NRXN1: variants seen among roughly 807,000 people sequenced by gnomAD.
NRXN1 encodes the protein neurexin-1.
Under a neutral mutation model 150.9 loss-of-function variants are expected in NRXN1, and 39 were observed. That is an observed-to-expected ratio of 0.26 (90% CI 0.20 to 0.34). The LOEUF (loss-of-function observed/expected upper bound fraction) is 0.34, where lower values mean the gene tolerates loss of function less well. NRXN1 is among the 10% of genes least tolerant of loss of function. NRXN1 has a pLI of 1.00. For missense variants in NRXN1, 1,815 were observed against 1,949.9 expected (o/e 0.93, Z 1.30); for synonymous variants, 924 against 757.0 (o/e 1.22, Z -3.62).
intron 17 of NRXN1, among the ~76,000 whole-genome samples, chr2:50,406,550 G>A (rs1382258717): frequency 6.6e-6 from 1 of 152,062 alleles, no homozygotes; most frequent in Non-Finnish European, 1.5e-5. Flanking sequence ...CTGCAATCAG[G>A]AAGATACTTC....
At chr2:50,158,676 G>A (rs931063794) in intron 18 of NRXN1, among the ~76,000 whole-genome samples, 5 of 152,058 alleles carry the variant, frequency 3.3e-5, no homozygotes, top group African/African-American at 1.2e-4. Context: ...TTCAAATGCA[G>A]CTGTATCTTG....
chr2:50,421,074 T>C (rs1327626075), intron 17 of NRXN1, among the ~76,000 whole-genome samples: 1 of 151,306 alleles, frequency 6.6e-6, no homozygotes, highest in African/African-American at 2.4e-5. Context: ...TATCTTGCAA[T>C]GGACCCCTGT....
At chr2:50,424,076 C>A (rs1045695159) in intron 17 of NRXN1, among the ~76,000 whole-genome samples, 2 of 145,746 alleles carry the variant, frequency 1.4e-5, no homozygotes, top group African/African-American at 2.5e-5. Flanking sequence ...AGGTTCTGAG[C>A]AAGAGAGCAC....
chr2:50,443,513 C>T (rs371747478), intron 17 of NRXN1, among the ~76,000 whole-genome samples: 4 of 152,100 alleles, frequency 2.6e-5, no homozygotes. Context: ...TAAGTGATGT[C>T]ATGTTACCGA....
intron 2 of NRXN1, among the ~76,000 whole-genome samples, chr2:50,988,672 T>G (rs919475168): frequency 1.3e-5 from 2 of 151,906 alleles, no homozygotes; most frequent in Non-Finnish European, 2.9e-5. Context: ...ATAACTGAGA[T>G]AAAACAACCG....
intron 5 of NRXN1, among the ~76,000 whole-genome samples, chr2:50,625,409 C>T (rs1397252805): frequency 6.6e-6 from 1 of 152,074 alleles, no homozygotes; most frequent in African/African-American, 2.4e-5. Context: ...CCAAATAATT[C>T]TGAGTAAGTC....
intron 17 of NRXN1, among the ~76,000 whole-genome samples, chr2:50,300,727 G>C (rs1307306243): frequency 2.0e-5 from 3 of 152,082 alleles, no homozygotes; most frequent in African/African-American, 7.2e-5. Flanking sequence ...ACAGAGTCTT[G>C]CTCTGTCACC....
chr2:50,388,268 C>A (rs1343508701), intron 17 of NRXN1, among the ~76,000 whole-genome samples: 1 of 152,154 alleles, frequency 6.6e-6, no homozygotes, highest in Non-Finnish European at 1.5e-5. Context: ...TGCAGTGGCA[C>A]AGGGCTGATA....
intron 5 of NRXN1, among the ~76,000 whole-genome samples, chr2:50,691,313 C>T (rs978111544): frequency 2.6e-5 from 4 of 152,082 alleles, no homozygotes; most frequent in African/African-American, 9.7e-5. Flanking sequence ...ACTTGAAAAA[C>T]CGTTAAGTGG....
At chr2:50,169,934 C>G (rs1402987182) in intron 18 of NRXN1, among the ~76,000 whole-genome samples, 1 of 151,938 alleles carries the variant, frequency 6.6e-6, no homozygotes, top group Non-Finnish European at 1.5e-5. Context: ...AGGAGAAGAT[C>G]ATGGCAGTCT....
At chr2:50,175,668 T>C (rs2060309413) in intron 18 of NRXN1, among the ~76,000 whole-genome samples, 1 of 152,052 alleles carries the variant, frequency 6.6e-6, no homozygotes, top group Non-Finnish European at 1.5e-5. Flanking sequence ...TACATATACA[T>C]TTACAACAAA....
At chr2:50,129,005 A>G (rs1240346831) in intron 18 of NRXN1, among the ~76,000 whole-genome samples, 2 of 151,676 alleles carry the variant, frequency 1.3e-5, no homozygotes, top group Non-Finnish European at 2.9e-5. Context: ...AAATAAATAA[A>G]TAAATAAATA....
At chr2:50,667,904 G>A (rs1688302993) in intron 5 of NRXN1, among the ~76,000 whole-genome samples, 1 of 151,862 alleles carries the variant, frequency 6.6e-6, no homozygotes. Flanking sequence ...ACTTACATTT[G>A]TATAATGCTT....
chr2:50,128,564 C>T (rs537403474), intron 18 of NRXN1, among the ~76,000 whole-genome samples: 65 of 152,192 alleles, frequency 4.3e-4, no homozygotes, highest in Admixed American at 7.8e-4. Flanking sequence ...GAAAATAAAA[C>T]GATCTCCCAG....
intron 17 of NRXN1, among the ~76,000 whole-genome samples, chr2:50,390,046 T>C (rs2081583291): frequency 6.6e-6 from 1 of 152,206 alleles, no homozygotes. Flanking sequence ...ATATACTTTC[T>C]TCGTCTTAAA....
intron 5 of NRXN1, among the ~76,000 whole-genome samples, chr2:50,663,626 G>T (rs1277259794): frequency 2.0e-5 from 3 of 151,962 alleles, no homozygotes; most frequent in African/African-American, 7.2e-5. Flanking sequence ...ACAATTACTT[G>T]CATGCCTTTA....
intron 2 of NRXN1, among the ~76,000 whole-genome samples, chr2:50,944,753 T>A (rs1690056294): frequency 1.3e-5 from 2 of 152,160 alleles, no homozygotes; most frequent in African/African-American, 2.4e-5. Flanking sequence ...CAAAGGCTAA[T>A]CATTTGTTTG....
intron 10 of NRXN1, among the ~76,000 whole-genome samples, chr2:50,533,294 C>G (rs567273237): frequency 6.6e-6 from 1 of 152,198 alleles, no homozygotes; most frequent in Non-Finnish European, 1.5e-5. Context: ...CATTCATTGC[C>G]TATTGGAAAT....
chr2:50,194,041 T>G (rs887229454), intron 18 of NRXN1, among the ~76,000 whole-genome samples: 1 of 152,298 alleles, frequency 6.6e-6, no homozygotes, highest in Middle Eastern at 3.4e-3. Flanking sequence ...TACAACCCTA[T>G]GAGTTAAGTG....
Sources: gnomAD v4.1 joint callset for allele counts (sites outside exome capture counted in the v4.1 genomes callset) on GRCh38, gnomAD v4.1.1 for gene constraint, MANE v1.5 for transcripts, NCBI Gene and HGNC (gene_info 2026-07-23, HGNC 2026-07-21) for gene names.